TDRD12: variants seen among roughly 807,000 people sequenced by gnomAD.
TDRD12 encodes tudor domain containing 12, also known as putative ATP-dependent RNA helicase TDRD12.
A neutral mutation model predicts 133.5 loss-of-function variants in TDRD12; 158 were observed. The observed-to-expected ratio is 1.18, with a 90% CI of 1.04 to 1.35. The LOEUF is 1.35. Ranked by LOEUF, TDRD12 falls within the 40% of genes most tolerant of loss-of-function variation. The pLI is 0.00. For missense variants in TDRD12, 1,443 were observed against 1,321.3 expected (o/e 1.09, Z -1.43); for synonymous variants, 460 against 477.9 (o/e 0.96, Z 0.49).
At chr19:32,822,527 C>G (rs542662344), downstream of TDRD12, among the ~76,000 whole-genome samples, 4 of 152,160 alleles carry the variant, frequency 2.6e-5, no homozygotes, top group Non-Finnish European at 5.9e-5. Flanking sequence ...ACGGGCAGAT[C>G]GTGAGGTCAG....
chr19:32,780,545 G>T (rs1970733735), intron 11 of TDRD12, among the ~76,000 whole-genome samples: 1 of 152,086 alleles, frequency 6.6e-6, no homozygotes, highest in Non-Finnish European at 1.5e-5. Context: ...CACAGTGAGT[G>T]GTGAGAACGC....
intron 7 of TDRD12, among the ~76,000 whole-genome samples, chr19:32,756,649 A>G (rs1321712678): frequency 6.6e-6 from 1 of 152,130 alleles, no homozygotes; most frequent in Non-Finnish European, 1.5e-5. Flanking sequence ...CAGCCTCCCA[A>G]AGTGCTGGGA....
chr19:32,785,095 C>G (rs538998790), intron 11 of TDRD12, among the ~76,000 whole-genome samples: 1 of 152,302 alleles, frequency 6.6e-6, no homozygotes, highest in African/African-American at 2.4e-5. Flanking sequence ...AGTTTTAGAT[C>G]TCTCCTGCTT....
intron 2 of TDRD12, among the ~76,000 whole-genome samples, chr19:32,736,044 G>A (rs1419297723): frequency 6.6e-6 from 1 of 152,098 alleles, no homozygotes; most frequent in Non-Finnish European, 1.5e-5. Flanking sequence ...CTTTTTAGGG[G>A]CTAATGCAGC....
At chr19:32,808,929 T>C (rs1047377985) in intron 22 of TDRD12, among the ~76,000 whole-genome samples, 3 of 152,000 alleles carry the variant, frequency 2.0e-5, no homozygotes, top group South Asian at 2.1e-4. Flanking sequence ...CTTTATTCTC[T>C]TTTTAATTAT....
In TDRD12 at chr19:32,727,232, G is replaced by A. The variant is rs566146702; in HGVS notation, c.25-4493G>A. ...TTCTCTAATGATTAGTATGTTGAGC[G>A]CCTTTTCATGTACTTATTGGCCATT... On this transcript the variant is annotated intron_variant, in intron 1 of 27. Coordinates refer to ENST00000444215, the Ensembl canonical transcript of TDRD12. Among the ~76,000 whole-genome samples, 349 of 152,192 alleles carry A rather than the reference G, an allele frequency of 2.3e-3. 1 individual carries two copies. Among genetic ancestry groups the A allele is most frequent in the Non-Finnish European group, 3.3e-3 (222 of 68,014 alleles).
chr19:32,827,505 G>A lies in TDRD12; in HGVS notation c.*339G>A, dbSNP rs113755846. The A allele has an allele frequency of 1.7e-4, 36 of 212,546 alleles. 1 individual carries two copies. Among genetic ancestry groups the A allele is most frequent in the African/African-American group, 6.9e-4 (29 of 42,004 alleles). 13.2% of individuals were successfully genotyped at this position (212,546 alleles called of 1,614,324 possible). ...AGCAATTCTCCTGCCTCAGCCTCCC[G>A]AGTAGCTGGGATTACAGGCATGTGC... On this transcript the variant is annotated 3_prime_UTR_variant, in exon 10 of 10. Transcript: ENST00000637289.
At chr19:32,819,330 G>T (rs945420818) in intron 27 of TDRD12, among the ~76,000 whole-genome samples, 10 of 141,338 alleles carry the variant, frequency 7.1e-5, no homozygotes, top group Admixed American at 7.0e-4. Context: ...AAAAAAAAAT[G>T]ACAAAGATAA....
At chr19:32,785,498 C>G (rs766288044) in intron 11 of TDRD12, among the ~76,000 whole-genome samples, 68 of 152,194 alleles carry the variant, frequency 4.5e-4, no homozygotes, top group Admixed American at 9.8e-4. Context: ...GAGCTGAGTT[C>G]AAGTCCCGGA....
At chr19:32,808,908 G>T (rs1966904224) in intron 22 of TDRD12, among the ~76,000 whole-genome samples, 1 of 150,666 alleles carries the variant, frequency 6.6e-6, no homozygotes, top group Admixed American at 6.6e-5. Flanking sequence ...TGTAGGGATG[G>T]TTCTTCTGCT....
intron 21 of TDRD12, among the ~76,000 whole-genome samples, chr19:32,805,743 T>G (rs1416506707): frequency 6.7e-6 from 1 of 148,196 alleles, no homozygotes; most frequent in Non-Finnish European, 1.5e-5. Context: ...TTTTTTTTTT[T>G]TTTTTTGAGA....
At chr19:32,728,575 G>A (rs1161020466) in intron 1 of TDRD12, among the ~76,000 whole-genome samples, 1 of 149,996 alleles carries the variant, frequency 6.7e-6, no homozygotes, top group Non-Finnish European at 1.5e-5. Flanking sequence ...TCTTTTTCCT[G>A]TCTTACTGTA....
exon 15 of TDRD12, chr19:32,797,806 C>T (rs939928095): frequency 4.3e-6 from 3 of 702,366 alleles, no homozygotes; most frequent in Non-Finnish European, 7.8e-6. Context: ...GAGAATATAG[C>T]ATGTCCTCCA....
At chr19:32,803,078 G>T in exon 21 of TDRD12, 1 of 1,535,904 alleles carries the variant, frequency 6.5e-7, no homozygotes, top group Non-Finnish European at 8.7e-7. Flanking sequence ...AGTTCTGGAA[G>T]CCAAAGAAGA....
In TDRD12 at chr19:32,719,842, C is replaced by A; in HGVS notation, c.-231C>A. On this transcript the variant is annotated 5_prime_UTR_variant, in exon 1 of 28. It adds an upstream start codon to the 5' untranslated region. Transcript: ENST00000444215. Reference sequence around the variant, plus strand: ...CAGGCAGGGATCCCGCAGCGAGGGGCTGGTTACTGCCAGGACGGAGCGCAT... The same window carrying A: ...CAGGCAGGGATCCCGCAGCGAGGGGATGGTTACTGCCAGGACGGAGCGCAT... The A allele has an allele frequency of 1.7e-6, 1 of 587,230 alleles. No individual in the cohort carries two copies. 36.4% of individuals were successfully genotyped at this position (587,230 alleles called of 1,614,324 possible).
At chr19:32,734,028 A>ACTAC (rs1969145502) in intron 2 of TDRD12, among the ~76,000 whole-genome samples, 1 of 151,546 alleles carries the variant, frequency 6.6e-6, no homozygotes, top group Non-Finnish European at 1.5e-5. Context: ...AGTAGCTGGG[A>ACTAC]CTACAGGCAC....
chr19:32,782,913 A>G (rs1401835716), intron 11 of TDRD12, among the ~76,000 whole-genome samples: 1 of 152,028 alleles, frequency 6.6e-6, no homozygotes, highest in African/African-American at 2.4e-5. Context: ...ACCATTCTGT[A>G]GGCTGTTCAT....
exon 27 of TDRD12, chr19:32,818,134 A>C (rs1473683835): frequency 1.4e-6 from 1 of 702,454 alleles, no homozygotes; most frequent in Non-Finnish European, 2.6e-6. Context: ...AGGATCATCC[A>C]TCCGAGGAGC....
intron 4 of TDRD12, among the ~76,000 whole-genome samples, chr19:32,746,259 T>G (rs1469787856): frequency 7.2e-6 from 1 of 139,170 alleles, no homozygotes; most frequent in African/African-American, 2.7e-5. Flanking sequence ...TCTGTGTGTG[T>G]GAGAGAGAGA....
Sources: gnomAD v4.1 joint callset for allele counts (sites outside exome capture counted in the v4.1 genomes callset) on GRCh38, gnomAD v4.1.1 for gene constraint, MANE v1.5 for transcripts, NCBI Gene and HGNC (gene_info 2026-07-23, HGNC 2026-07-21) for gene names.